CYRIB: variants seen among roughly 807,000 people sequenced by gnomAD.
CYRIB encodes the protein CYFIP-related Rac1 interactor B.
CYRIB carries 8 observed loss-of-function variants against 44.2 expected under a neutral mutation model. That is an observed-to-expected ratio of 0.18 (90% CI 0.11 to 0.33). The LOEUF is 0.33. CYRIB is among the 10% of genes least tolerant of loss of function. CYRIB has a pLI of 1.00. For synonymous variants in CYRIB, 131 were observed against 127.2 expected, an observed-to-expected ratio of 1.03 and a Z score of -0.20; for missense variants, 185 against 382.8, an observed-to-expected ratio of 0.48 and a Z score of 4.31.
chr8:129,933,887 C>A (rs1193969453), intron 1 of CYRIB, among the ~76,000 whole-genome samples: 62 of 131,332 alleles, frequency 4.7e-4, no homozygotes, highest in Middle Eastern at 3.8e-3. Context: ...GTCACACACA[C>A]AAAAAAAAAA....
At chr8:129,897,792 T>G (rs1431393363) in intron 2 of CYRIB, among the ~76,000 whole-genome samples, 1 of 151,746 alleles carries the variant, frequency 6.6e-6, no homozygotes, top group Admixed American at 6.6e-5. Flanking sequence ...TGAGACAGAG[T>G]TTCACTCTTG....
intron 1 of CYRIB, among the ~76,000 whole-genome samples, chr8:130,009,124 C>G (rs1282996497): frequency 6.6e-6 from 1 of 152,236 alleles, no homozygotes; most frequent in Non-Finnish European, 1.5e-5. Context: ...ACTTCACAGT[C>G]AGGGAGTCGG....
At chr8:129,882,594 ATCATCAGGTATGC>A (rs2061185626) in intron 2 of CYRIB, among the ~76,000 whole-genome samples, 1 of 152,206 alleles carries the variant, frequency 6.6e-6, no homozygotes, top group African/African-American at 2.4e-5. Context: ...TTCTATTAAC[ATCATCAGGTATGC>A]ATGGAGAAGA....
intron 1 of CYRIB, among the ~76,000 whole-genome samples, chr8:129,904,231 T>C (rs2054632): frequency 0.38 from 57,032 of 152,014 alleles, 12,843 homozygotes; most frequent in East Asian, 0.55. Flanking sequence ...TACCTCCTCC[T>C]GATTGTACTA....
chr8:129,897,893 G>A lies in CYRIB; in HGVS notation c.-11+5419C>T, dbSNP rs1351196180. Among the ~76,000 whole-genome samples the A allele has an allele frequency of 2.0e-5, 3 of 152,168 alleles. No homozygotes were observed. The East Asian group carries it at 5.8e-4, about 29-fold the overall frequency. ...TGATTCTCCTGCCTCAGCCTCCCAA[G>A]TAGCTGGAATTACAGGCATTTGCCA... On this transcript the variant is annotated intron_variant, in intron 2 of 11. Transcript: ENST00000519824.
intron 1 of CYRIB, among the ~76,000 whole-genome samples, chr8:129,910,226 T>C (rs563678766): frequency 1.3e-5 from 2 of 152,346 alleles, no homozygotes; most frequent in South Asian, 2.1e-4. Flanking sequence ...CAAAGTGACA[T>C]GTCTATCTCA....
chr8:130,013,346 A>C (rs2097268152), intron 1 of CYRIB, among the ~76,000 whole-genome samples: 1 of 152,184 alleles, frequency 6.6e-6, no homozygotes, highest in African/African-American at 2.4e-5. Flanking sequence ...AAAGAAAACC[A>C]AGGCATGAAT....
At chr8:129,998,119 C>CAAAAAAAAAAAA (rs34658935) in intron 1 of CYRIB, among the ~76,000 whole-genome samples, 1 of 93,196 alleles carries the variant, frequency 1.1e-5, no homozygotes, top group Non-Finnish European at 2.3e-5. Context: ...GACTCTGTCT[C>CAAAAAAAAAAAA]AAAAAAAAAA....
upstream of CYRIB, among the ~76,000 whole-genome samples, chr8:129,942,158 G>A (rs910510925): frequency 2.0e-5 from 3 of 152,116 alleles, no homozygotes; most frequent in Non-Finnish European, 4.4e-5. Context: ...GGCCAACATG[G>A]TAAAACCCCA....
chr8:129,841,389 T>C (rs1319960730), exon 12 of CYRIB: 1 of 152,528 alleles, frequency 6.6e-6, no homozygotes, highest in East Asian at 1.9e-4. Flanking sequence ...AATCATGTAA[T>C]GTATATATGC....
rs145331300 is a variant in CYRIB at position 129,950,991 on chromosome 8, T to C, written c.-243+19952A>G. Among the ~76,000 whole-genome samples, 90 of 152,336 alleles carry C rather than the reference T, an allele frequency of 5.9e-4. No individual in the cohort carries two copies. In the South Asian group the frequency reaches 0.011, roughly 18 times the overall value. On this transcript the variant is annotated intron_variant, in intron 2 of 14. Coordinates refer to the CYRIB transcript ENST00000401979. The stretch of plus-strand genomic sequence containing the variant: ...AAGGGTTTGCTCTCAATGACTCCCA[T>C]GTCTTCTCATGATTTAAAGTTACAT...
intron 1 of CYRIB, among the ~76,000 whole-genome samples, chr8:129,923,598 T>TC (rs1182229356): frequency 2.6e-5 from 4 of 152,070 alleles, no homozygotes; most frequent in African/African-American, 4.8e-5. Flanking sequence ...GTCTCTTATT[T>TC]CATACACTTC....
chr8:129,974,929 G>A (rs1564537728), intron 1 of CYRIB, among the ~76,000 whole-genome samples: 2 of 150,124 alleles, frequency 1.3e-5, no homozygotes, highest in East Asian at 1.9e-4. Flanking sequence ...CTGTCACCCA[G>A]GCTGCAGTGG....
chr8:129,954,989 G>A (rs140332263), intron 2 of CYRIB, among the ~76,000 whole-genome samples: 3 of 152,160 alleles, frequency 2.0e-5, no homozygotes, highest in Admixed American at 1.3e-4. Flanking sequence ...CGCGGTGGCT[G>A]ACACCTGTAA....
chr8:129,894,837 A>T lies in CYRIB; in HGVS notation c.-11+8475T>A, dbSNP rs183228895. On this transcript the variant is annotated intron_variant, in intron 2 of 11. Transcript: ENST00000519824. The stretch of plus-strand genomic sequence containing the variant: ...CCAATCTTCTATATTAAATTGTTTG[A>T]AATATCCAGAGTGGTAAGTTTTCCT... 4.6e-4 allele frequency among the ~76,000 whole-genome samples: 70 copies of T among 151,994 alleles called. No individual in the cohort carries two copies. In the South Asian group the frequency reaches 0.01, roughly 22 times the overall value.
In CYRIB at chr8:129,911,980, G is replaced by C. The variant is rs371915574; in HGVS notation, c.-49-8630C>G. Among the ~76,000 whole-genome samples the C allele has an allele frequency of 7.9e-5, 12 of 152,246 alleles. 2 individuals are homozygous for C. Among genetic ancestry groups the C allele is most frequent in the East Asian group, 7.7e-4 (4 of 5,190 alleles). On this transcript the variant is annotated intron_variant, in intron 1 of 11. Coordinates refer to ENST00000519824, the Ensembl canonical transcript of CYRIB. ...TCGTGCTAACCTAAAGATTCCACAGGTTTAAGATACGTTCTGTGAAAACAA... is the reference window on the plus strand; with the variant it reads ...TCGTGCTAACCTAAAGATTCCACAGCTTTAAGATACGTTCTGTGAAAACAA...
chr8:129,947,619 G>A (rs1022477265), intron 2 of CYRIB, among the ~76,000 whole-genome samples: 8 of 152,080 alleles, frequency 5.3e-5, no homozygotes, highest in Non-Finnish European at 8.8e-5. Flanking sequence ...GATTATATGA[G>A]TAATACATAT....
chr8:129,957,720 C>G (rs1405891612), intron 2 of CYRIB, among the ~76,000 whole-genome samples: 5 of 151,626 alleles, frequency 3.3e-5, no homozygotes, highest in Non-Finnish European at 1.5e-5. Flanking sequence ...AATCCCAGCA[C>G]TTTGGGAGGC....
At position 129,848,737 on chromosome 8, in the gene CYRIB, T is replaced by TC. The variant is rs1398796037; in HGVS notation, c.840+505_840+506insG. 7.0e-4 allele frequency among the ~76,000 whole-genome samples: 101 copies of TC among 144,350 alleles called. 2 individuals carry two copies. The highest frequency in any genetic ancestry group is 2.4e-3 in the African/African-American group (95 of 39,972). 94.7% of individuals were successfully genotyped at this position (144,350 alleles called of 152,430 possible). A position where few individuals can be genotyped will look rare whatever the true frequency, so the allele number is the denominator to read the frequency against. On this transcript the variant is annotated intron_variant, in intron 10 of 11. Coordinates refer to ENST00000519824, the Ensembl canonical transcript of CYRIB. ...ATGTGTGCCACCACACCTGGCTAAT[T>TC]TTTTTTTTTTTTTTGTAGAAATGGG...
Sources: gnomAD v4.1 joint callset for allele counts (sites outside exome capture counted in the v4.1 genomes callset) on GRCh38, gnomAD v4.1.1 for gene constraint, MANE v1.5 for transcripts, NCBI Gene and HGNC (gene_info 2026-07-23, HGNC 2026-07-21) for gene names.